NBEA: variants seen among roughly 807,000 people sequenced by gnomAD.
The protein encoded by NBEA is lysosomal-trafficking regulator 2.
Under a neutral mutation model 343.4 loss-of-function variants are expected in NBEA, and 44 were observed. The observed-to-expected ratio is 0.13, with a 90% CI of 0.10 to 0.16. The LOEUF (loss-of-function observed/expected upper bound fraction) is 0.16, where lower values mean the gene tolerates loss of function less well. NBEA is among the 10% of genes least tolerant of loss of function. The probability of loss-of-function intolerance (pLI) is 1.00; values close to 1 mark genes in which losing one functional copy is unlikely to be tolerated. For missense variants in NBEA, 2,555 were observed against 3,631.3 expected (o/e 0.70, Z 7.62); for synonymous variants, 1,175 against 1,238.7 (o/e 0.95, Z 1.08).
chr13:35,544,101 A>C (rs2078958449), intron 41 of NBEA, among the ~76,000 whole-genome samples: 1 of 152,202 alleles, frequency 6.6e-6, no homozygotes, highest in Non-Finnish European at 1.5e-5. Context: ...GAAATTATAA[A>C]AGTAATAGGG....
At chr13:35,187,981 C>T (rs915525040) in intron 30 of NBEA, among the ~76,000 whole-genome samples, 95 of 151,992 alleles carry the variant, frequency 6.3e-4, no homozygotes, top group African/African-American at 2.3e-3. Flanking sequence ...TTCTTCAGGT[C>T]ACCTCCTCCG....
rs995566602 is a variant in NBEA at position 35,124,270 on chromosome 13, G to A, written c.2336+696G>A. On this transcript the variant is annotated intron_variant, in intron 17 of 58. Coordinates refer to ENST00000379939, the MANE Select transcript of NBEA (RefSeq NM_001385012.1). ...TCGCCCTTGTTTTTTTTTTTTTTTG[G>A]TGCTTACTTAAATTTGCAAAGCGCT... Among the ~76,000 whole-genome samples, 90 of 146,660 alleles carry A rather than the reference G, an allele frequency of 6.1e-4. 1 individual carries two copies. The highest frequency in any genetic ancestry group is 2.2e-3 in the African/African-American group (89 of 39,764).
At chr13:34,985,551 C>T (rs1475056707) in intron 1 of NBEA, among the ~76,000 whole-genome samples, 1 of 150,924 alleles carries the variant, frequency 6.6e-6, no homozygotes, top group African/African-American at 2.4e-5. Flanking sequence ...ATGCTGGCCT[C>T]ATAAAATAAG....
chr13:35,360,950 T>C (rs78380927), intron 38 of NBEA, among the ~76,000 whole-genome samples: 1 of 152,042 alleles, frequency 6.6e-6, no homozygotes, highest in East Asian at 1.9e-4. Flanking sequence ...GAAAAAATGG[T>C]TGAAAATGTA....
rs2059058915 is a variant in NBEA at position 34,942,520 on chromosome 13, A to AGCGGCG, written c.-295_-290dup. 5.1e-6 allele frequency: 1 copy of AGCGGCG among 194,908 alleles called. No individual in the cohort carries two copies. The highest frequency in any genetic ancestry group is 1.0e-5 in the Non-Finnish European group (1 of 98,226). 12.1% of individuals were successfully genotyped at this position (194,908 alleles called of 1,614,324 possible). A position where few individuals can be genotyped will look rare whatever the true frequency, so the allele number is the denominator to read the frequency against. On this transcript the variant is annotated 5_prime_UTR_variant, in exon 1 of 59. Transcript: ENST00000379939. ...ACCGGGAGAGGGAGAGAGCAGAGGCAGCGGCGGCGGCAGCGGCAGCGGCAG... is the reference window on the plus strand; with the variant it reads ...ACCGGGAGAGGGAGAGAGCAGAGGCAGCGGCGGCGGCGGCGGCAGCGGCAGCGGCAG...
At chr13:35,552,832 A>G (rs571107497) in intron 43 of NBEA, among the ~76,000 whole-genome samples, 1 of 152,182 alleles carries the variant, frequency 6.6e-6, no homozygotes, top group Non-Finnish European at 1.5e-5. Flanking sequence ...TTTCTTACCT[A>G]TGATGAGTAT....
chr13:34,992,267 T>C (rs1426911181), intron 1 of NBEA, among the ~76,000 whole-genome samples: 1 of 146,290 alleles, frequency 6.8e-6, no homozygotes, highest in Non-Finnish European at 1.5e-5. Flanking sequence ...TATATATTTT[T>C]TTTTTTAGAC....
intron 45 of NBEA, among the ~76,000 whole-genome samples, chr13:35,575,439 TTTTG>T (rs1240737105): frequency 7.9e-5 from 12 of 152,194 alleles, no homozygotes; most frequent in African/African-American, 2.4e-4. Context: ...ATTGGAAAGG[TTTTG>T]TTTGTTTTTG....
intron 1 of NBEA, among the ~76,000 whole-genome samples, chr13:34,979,933 A>G (rs1338728055): frequency 6.6e-6 from 1 of 152,068 alleles, no homozygotes; most frequent in African/African-American, 2.4e-5. Flanking sequence ...ATTAATATCC[A>G]TTTGTTTCAT....
intron 45 of NBEA, among the ~76,000 whole-genome samples, chr13:35,579,595 A>G (rs1219003025): frequency 1.3e-5 from 2 of 152,158 alleles, no homozygotes; most frequent in African/African-American, 4.8e-5. Flanking sequence ...TCAAGGTACA[A>G]TCTAAGGTAT....
intron 36 of NBEA, among the ~76,000 whole-genome samples, chr13:35,327,009 A>G (rs1160890095): frequency 6.6e-6 from 1 of 152,040 alleles, no homozygotes; most frequent in Admixed American, 6.6e-5. Flanking sequence ...ACATACAAGC[A>G]GCAACAAACA....
chr13:35,007,137 A>G (rs1230491985), intron 1 of NBEA, among the ~76,000 whole-genome samples: 2 of 152,016 alleles, frequency 1.3e-5, no homozygotes, highest in Non-Finnish European at 1.5e-5. Context: ...TCTGGTATCT[A>G]TAGCTTAATT....
At chr13:35,614,023 C>G (rs925975700) in intron 48 of NBEA, among the ~76,000 whole-genome samples, 5 of 152,146 alleles carry the variant, frequency 3.3e-5, no homozygotes, top group Non-Finnish European at 7.4e-5. Context: ...TATCTTTCAT[C>G]TTTTTTATAA....
chr13:35,667,747 T>C (rs1348441384), intron 57 of NBEA, among the ~76,000 whole-genome samples, 177 bp downstream of exon 57: 1 of 152,234 alleles, frequency 6.6e-6, no homozygotes, highest in African/African-American at 2.4e-5. Context: ...TTCATTTAAT[T>C]GCAAGTAATT....
intron 49 of NBEA, among the ~76,000 whole-genome samples, chr13:35,642,404 T>G (rs2084005953): frequency 6.6e-6 from 1 of 152,216 alleles, no homozygotes; most frequent in African/African-American, 2.4e-5. Flanking sequence ...GTTGGATTGA[T>G]GGACATTTCC....
intron 1 of NBEA, among the ~76,000 whole-genome samples, chr13:35,019,759 T>C (rs1462855258): frequency 1.3e-5 from 2 of 152,220 alleles, no homozygotes; most frequent in Admixed American, 1.3e-4. Context: ...AATGAATTTG[T>C]CTTTTTAATA....
At chr13:35,406,685 T>A (rs1381089693) in intron 38 of NBEA, among the ~76,000 whole-genome samples, 1 of 152,110 alleles carries the variant, frequency 6.6e-6, no homozygotes, top group African/African-American at 2.4e-5. Context: ...AAGAAATCAG[T>A]TGGCAGTGTT....
intron 21 of NBEA, 96 bp downstream of exon 21, chr13:35,157,366 G>T (rs532224692): frequency 2.3e-6 from 2 of 886,944 alleles, no homozygotes; most frequent in Non-Finnish European, 3.1e-6. Context: ...GGGCATCTTA[G>T]ATTTTGACAG....
intron 1 of NBEA, among the ~76,000 whole-genome samples, chr13:34,956,409 T>C (rs2059493560): frequency 6.7e-6 from 1 of 148,742 alleles, no homozygotes; most frequent in Non-Finnish European, 1.5e-5. Context: ...TTTTTTTTGG[T>C]CATTAGGTTT....
Sources: gnomAD v4.1 joint callset for allele counts (sites outside exome capture counted in the v4.1 genomes callset) on GRCh38, gnomAD v4.1.1 for gene constraint, MANE v1.5 for transcripts, NCBI Gene and HGNC (gene_info 2026-07-23, HGNC 2026-07-21) for gene names.